ZNF236: variants seen among roughly 807,000 people sequenced by gnomAD.
The protein encoded by ZNF236 is zinc finger protein 236, also known as regulated by glucose.
In ZNF236, 50 loss-of-function variants were observed where a neutral mutation model predicts 191.2. The ratio of observed to expected loss-of-function variants is 0.26; its 90% CI spans 0.21 to 0.33. The LOEUF (loss-of-function observed/expected upper bound fraction) is 0.33. Ranked by LOEUF, ZNF236 falls within the 10% of genes least tolerant of loss-of-function variation. ZNF236 has a pLI of 1.00. For missense variants in ZNF236, 1,754 were observed against 2,374.5 expected (o/e 0.74, Z 5.43); for synonymous variants, 907 against 928.8 (o/e 0.98, Z 0.43).
chr18:76,916,673 A>G (rs1599391389), intron 19 of ZNF236, among the ~76,000 whole-genome samples: 1 of 152,350 alleles, frequency 6.6e-6, no homozygotes, highest in African/African-American at 2.4e-5. Flanking sequence ...GCGCCAGCAC[A>G]CAGATTGCAG....
Position 76,919,427 on chromosome 18 carries a change from A to G in ZNF236, c.3275-349A>G, listed in dbSNP as rs560295674. Among the ~76,000 whole-genome samples the G allele has an allele frequency of 6.6e-6, 1 of 152,226 alleles. No individual in the cohort carries two copies. Among genetic ancestry groups the G allele is most frequent in the East Asian group, 1.9e-4 (1 of 5,192 alleles). ...AGTTTCTAAGTATGGGAACATTTCA[A>G]GTTCTCTCCTGTAGCTACTTTGAAA... On this transcript the variant is annotated intron_variant, in intron 19 of 30. Coordinates refer to ENST00000320610, the MANE Select transcript of ZNF236 (RefSeq NM_001306089.2). This position sits in a 1 kb window ranked among gnomAD's most constrained non-coding sequence, Gnocchi z 5.3.
chr18:76,937,129 G>T, intron 25 of ZNF236, 27 bp from the exon 26 acceptor site: 1 of 1,604,640 alleles, frequency 6.2e-7, no homozygotes, highest in Non-Finnish European at 8.5e-7. Context: ...CCTTCCCATT[G>T]ATCTACTTAC....
chr18:76,948,390 C>A (rs12968415), intron 27 of ZNF236, among the ~76,000 whole-genome samples: 2 of 152,136 alleles, frequency 1.3e-5, no homozygotes, highest in Admixed American at 1.3e-4. Flanking sequence ...ACCTGAGTAA[C>A]CAGAGCTGTC....
chr18:76,879,963 A>C (rs2122641364), intron 7 of ZNF236, 150 bp from the exon 8 acceptor site: 1 of 685,116 alleles, frequency 1.5e-6, no homozygotes, highest in East Asian at 2.8e-5. Flanking sequence ...CACCAGAATC[A>C]GTGAGGCATT....
At chr18:76,834,730 A>G (rs1387550891) in intron 1 of ZNF236, 3 of 442,542 alleles carry the variant, frequency 6.8e-6, no homozygotes, top group East Asian at 1.1e-4. Context: ...CAACCTGAAC[A>G]TCATCCTTTC....
chr18:76,871,891 G>A (rs779468420), intron 5 of ZNF236, 66 bp downstream of exon 5: 222 of 1,587,468 alleles, frequency 1.4e-4, no homozygotes, highest in Non-Finnish European at 1.7e-4. Context: ...GTGCCTTTTT[G>A]CTAGCTCGAC....
At chr18:76,956,328 A>G in intron 28 of ZNF236, 146 bp downstream of exon 28, 2 of 925,660 alleles carry the variant, frequency 2.2e-6, no homozygotes, top group Non-Finnish European at 3.3e-6. Context: ...ATGTAGATGT[A>G]TTGTTCCGGT....
At chr18:76,836,881 T>G (rs1327061127) in intron 1 of ZNF236, among the ~76,000 whole-genome samples, 1 of 150,952 alleles carries the variant, frequency 6.6e-6, no homozygotes, top group East Asian at 2.0e-4. Flanking sequence ...CCGGCCTATT[T>G]ATTTGTTTTT....
rs143144726 is a variant in ZNF236 at position 76,864,986 on chromosome 18, T to C, written c.364-3699T>C. Among the ~76,000 whole-genome samples, 994 of 152,246 alleles carry C rather than the reference T, an allele frequency of 6.5e-3. 9 individuals carry two copies. Among genetic ancestry groups the C allele is most frequent in the Non-Finnish European group, 0.011 (740 of 68,018 alleles). On this transcript the variant is annotated intron_variant, in intron 3 of 30. Coordinates refer to ENST00000320610, the MANE Select transcript of ZNF236 (RefSeq NM_001306089.2). ...GAAACAGTGAGCGATCAACAAATAA[T>C]GACAGACTTCAGCCTTCAGATACCA...
chr18:76,941,610 G>A (rs371098060), intron 26 of ZNF236, among the ~76,000 whole-genome samples: 44 of 152,292 alleles, frequency 2.9e-4, no homozygotes, highest in Middle Eastern at 3.4e-3. Flanking sequence ...TCTGGCCTGC[G>A]GACATGGGAG....
intron 6 of ZNF236, among the ~76,000 whole-genome samples, 168 bp from the exon 7 acceptor site, chr18:76,877,841 G>A (rs1028419504): frequency 6.6e-6 from 1 of 152,134 alleles, no homozygotes; most frequent in Non-Finnish European, 1.5e-5. Flanking sequence ...AAAGAGTAGG[G>A]TCATTGATTC....
At chr18:76,936,843 G>T (rs745905244) in intron 25 of ZNF236, among the ~76,000 whole-genome samples, 4 of 152,180 alleles carry the variant, frequency 2.6e-5, no homozygotes, top group Non-Finnish European at 2.9e-5. Context: ...GGAAATTCTT[G>T]TCTGAGTTTT....
chr18:76,937,325 A>C lies in ZNF236; in HGVS notation c.4764A>C (p.Thr1588=), dbSNP rs1175149274. 2 of 1,612,032 alleles carry C rather than the reference A, an allele frequency of 1.2e-6. No homozygotes were observed. Among genetic ancestry groups the C allele is most frequent in the East Asian group, 4.5e-5 (2 of 44,852 alleles). Residue 1588 remains threonine, a synonymous_variant, in exon 26 of 31, where the codon ACA becomes ACC. Coordinates refer to ENST00000320610, the MANE Select transcript of ZNF236 (RefSeq NM_001306089.2). ...GMLSGGLDTV[T]LNITSQGQQF... is the part of the protein sequence containing the mutation. ...TATCTGGAGGCCTGGACACTGTCAC[A>C]CTCAACATCACCTCTCAGGCAAGTG...
At chr18:76,879,455 T>G (rs1449977544) in intron 7 of ZNF236, among the ~76,000 whole-genome samples, 1 of 152,188 alleles carries the variant, frequency 6.6e-6, no homozygotes, top group East Asian at 1.9e-4. Context: ...GTAACCAAAG[T>G]CCATAGTTTT....
intron 5 of ZNF236, among the ~76,000 whole-genome samples, chr18:76,874,924 T>TA (rs1352127069): frequency 6.6e-6 from 1 of 152,226 alleles, no homozygotes; most frequent in East Asian, 1.9e-4. Flanking sequence ...ACTTCGATTT[T>TA]ACTCTAGGGG....
chr18:76,856,818 T>C (rs1005245728), intron 3 of ZNF236, among the ~76,000 whole-genome samples: 1 of 152,260 alleles, frequency 6.6e-6, no homozygotes, highest in Admixed American at 6.5e-5. Context: ...TAAATTGTCA[T>C]GGACTCAAAT....
intron 30 of ZNF236, among the ~76,000 whole-genome samples, chr18:76,967,990 T>C (rs2122989250): frequency 6.6e-6 from 1 of 152,324 alleles, no homozygotes; most frequent in South Asian, 2.1e-4. Context: ...AGTGCACTCA[T>C]ATCACCAGTG....
intron 1 of ZNF236, among the ~76,000 whole-genome samples, chr18:76,839,097 A>G (rs1975411804): frequency 1.3e-5 from 2 of 152,212 alleles, no homozygotes; most frequent in South Asian, 4.1e-4. Flanking sequence ...TCCATCATAA[A>G]ATCTCCTCCA....
In ZNF236 at chr18:76,894,946, G is replaced by A. The variant is rs1054433680; in HGVS notation, c.1418-67G>A. ...CGTGCAGCTTTCTGTGGGGACCACA[G>A]GGGGTCCTGGACCTGACCCTAGGCG... On this transcript the variant is annotated intron_variant, in intron 9 of 30. Coordinates refer to ENST00000320610, the MANE Select transcript of ZNF236 (RefSeq NM_001306089.2). 8 of 1,571,322 alleles carry A rather than the reference G, an allele frequency of 5.1e-6. No homozygotes were observed. The African/African-American group carries it at 6.7e-5, about 13-fold the overall frequency.
Sources: gnomAD v4.1 joint callset for allele counts (sites outside exome capture counted in the v4.1 genomes callset) on GRCh38, gnomAD v4.1.1 for gene constraint, Gnocchi (gnomAD v3.1) non-coding constraint, MANE v1.5 for transcripts, NCBI Gene and HGNC (gene_info 2026-07-23, HGNC 2026-07-21) for gene names.